The following PKD1L1 variants were observed in gnomAD, a reference collection of about 807,000 sequenced individuals.
PKD1L1 encodes polycystin 1 like 1, transient receptor potential channel interacting.
In PKD1L1, 236 loss-of-function variants were observed where a neutral mutation model predicts 323.4. That is an observed-to-expected ratio of 0.73 (90% CI 0.66 to 0.81). The LOEUF is 0.81. Among genes scored for constraint, PKD1L1 ranks in the 40% least tolerant of loss-of-function variants. The pLI is 0.00. For synonymous variants in PKD1L1, 1,344 were observed against 1,335.0 expected, an observed-to-expected ratio of 1.01 and a Z score of -0.15; for missense variants, 3,320 against 3,508.0, an observed-to-expected ratio of 0.95 and a Z score of 1.35.
intron 14 of PKD1L1, among the ~76,000 whole-genome samples, chr7:47,897,639 G>A (rs766393753): frequency 2.0e-5 from 3 of 152,160 alleles, no homozygotes; most frequent in Admixed American, 6.5e-5. Flanking sequence ...TCTGACTGTC[G>A]TCTCCTTTCC....
At chr7:47,865,181 A>G (rs1786135682) in intron 26 of PKD1L1, 35 bp downstream of exon 26, 2 of 1,537,818 alleles carry the variant, frequency 1.3e-6, no homozygotes, top group South Asian at 1.1e-5. Flanking sequence ...ACTATATAAA[A>G]TAGGAAAATA....
chr7:47,840,704 C>T lies in PKD1L1; in HGVS notation c.5446-137G>A. 1.5e-6 allele frequency: 1 copy of T among 651,744 alleles called. No individual in the cohort carries two copies. Among genetic ancestry groups the T allele is most frequent in the Non-Finnish European group, 2.7e-6 (1 of 376,368 alleles). 40.4% of individuals were successfully genotyped at this position (651,744 alleles called of 1,614,324 possible). A position where few individuals can be genotyped will look rare whatever the true frequency, so the allele number is the denominator to read the frequency against. ...CATCTGCACGGTGGAGTGCCACAGCCTAGAGCCAGGGGATGAGTGGGCACG... is the reference window on the plus strand; with the variant it reads ...CATCTGCACGGTGGAGTGCCACAGCTTAGAGCCAGGGGATGAGTGGGCACG... On this transcript the variant is annotated intron_variant, in intron 34 of 56. Coordinates refer to ENST00000289672, the MANE Select transcript of PKD1L1 (RefSeq NM_138295.5). This position sits in a 1 kb window ranked among gnomAD's most constrained non-coding sequence, Gnocchi z 4.1.
chr7:47,792,945 C>G (rs1473061272), intron 55 of PKD1L1, 148 bp from the exon 56 acceptor site: 1 of 687,234 alleles, frequency 1.5e-6, no homozygotes, highest in East Asian at 2.7e-5. Context: ...GTTAGAAGAC[C>G]TGGGTGCTGG....
chr7:47,872,196 C>T (rs1405004026), intron 24 of PKD1L1, among the ~76,000 whole-genome samples: 2 of 152,180 alleles, frequency 1.3e-5, no homozygotes, highest in East Asian at 3.9e-4. Context: ...TCTGGAGCCC[C>T]AGTCTGCCCC....
chr7:47,833,067 C>T, intron 41 of PKD1L1, 23 bp downstream of exon 41: 1 of 1,597,932 alleles, frequency 6.3e-7, no homozygotes, highest in African/African-American at 1.3e-5. Flanking sequence ...AGGAAGGGGG[C>T]TGTGGTTGCA....
At chr7:47,940,144 T>C (rs895935649) in intron 3 of PKD1L1, 49 bp downstream of exon 3, 9 of 1,612,184 alleles carry the variant, frequency 5.6e-6, no homozygotes, top group African/African-American at 1.3e-5. Context: ...GTACTGTACA[T>C]GTACTGTATT....
upstream of PKD1L1, among the ~76,000 whole-genome samples, chr7:47,953,164 G>C (rs572324617): frequency 1.3e-4 from 20 of 152,284 alleles, no homozygotes; most frequent in East Asian, 3.7e-3. Flanking sequence ...ATTACAAATA[G>C]GGAATTGCCA....
At chr7:47,851,830 T>C (rs774358334) in intron 31 of PKD1L1, among the ~76,000 whole-genome samples, 3 of 151,856 alleles carry the variant, frequency 2.0e-5, no homozygotes, top group Non-Finnish European at 4.4e-5. Context: ...TAAAAAAAAG[T>C]CTGAAAAAAA....
chr7:47,854,939 A>C lies in PKD1L1; in HGVS notation c.4802T>G (p.Ile1601Arg). 1 of 1,614,136 alleles carries C rather than the reference A, an allele frequency of 6.2e-7. No homozygotes were observed. The highest frequency in any genetic ancestry group is 8.5e-7 in the Non-Finnish European group (1 of 1,180,022). Residue 1601 changes from isoleucine to arginine, a missense_variant, in exon 30 of 57, where the codon ATA (isoleucine) becomes AGA (arginine). Ile to Arg is a moderately conservative substitution (Grantham distance 97). Transcript: ENST00000289672. ...LSENPQESLQ[I>R]EIEFSKPVTR... ...AACAGGTTTGGAAAATTCAATTTCT[A>C]TCTGTAGAGATTCCTGGGGGTTTTC...
chr7:47,848,222 A>G lies in PKD1L1; in HGVS notation c.4961-1151T>C, dbSNP rs188443034. On this transcript the variant is annotated intron_variant, in intron 31 of 56. Coordinates refer to ENST00000289672, the MANE Select transcript of PKD1L1 (RefSeq NM_138295.5). ...CAGGAACAGCCTATCTAGGAATTAA[A>G]CTTGAAGATACACTCCTCCCCCTAC... 1.1e-4 allele frequency among the ~76,000 whole-genome samples: 16 copies of G among 152,242 alleles called. No homozygotes were observed. The East Asian group carries it at 2.7e-3, about 26-fold the overall frequency.
rs956472655 is a variant in PKD1L1 at position 47,933,591 on chromosome 7, C to T, written c.399-1535G>A. Among the ~76,000 whole-genome samples the T allele has an allele frequency of 6.6e-5, 10 of 152,266 alleles. No individual in the cohort carries two copies. The East Asian group carries it at 9.6e-4, about 15-fold the overall frequency. On this transcript the variant is annotated intron_variant, in intron 4 of 56. Transcript: ENST00000289672. ...GTGACCACCATGCCACTGCCTGGGCCGCCCTGTTTGTCCCCAACCCTCTCT... is the reference window on the plus strand; with the variant it reads ...GTGACCACCATGCCACTGCCTGGGCTGCCCTGTTTGTCCCCAACCCTCTCT...
rs781044180 is a variant in PKD1L1, at chr7:47,929,478, T to G, written c.786A>C (p.Ala262=). Residue 262 remains alanine, a synonymous_variant, in exon 7 of 57, where the codon GCA becomes GCC. Transcript: ENST00000289672. ...AGAGGATCTCAGAACCAGACTGCGA[T>G]GCCGTGAAGCTGGGGGTGCGAGGAA... ...PGIPRTPSFT[A]SQSGSEILYP... is the part of the protein sequence containing the mutation. 5 of 1,614,144 alleles carry G rather than the reference T, an allele frequency of 3.1e-6. No homozygotes were observed. The highest frequency in any genetic ancestry group is 1.7e-6 in the Non-Finnish European group (2 of 1,179,980).
chr7:47,896,987 CT>C (rs908255877), intron 14 of PKD1L1, among the ~76,000 whole-genome samples: 1 of 152,222 alleles, frequency 6.6e-6, no homozygotes, highest in Non-Finnish European at 1.5e-5. Flanking sequence ...GAAAGCTCTG[CT>C]TTTTCCTACA....
chr7:47,941,727 TA>T (rs955221031), intron 2 of PKD1L1, among the ~76,000 whole-genome samples: 38 of 152,312 alleles, frequency 2.5e-4, no homozygotes, highest in Admixed American at 2.4e-3. Context: ...TGTTTCGGAA[TA>T]AGCTAGAATA....
chr7:47,777,064 G>A (rs1187988983), intron 56 of PKD1L1, among the ~76,000 whole-genome samples: 1 of 151,970 alleles, frequency 6.6e-6, no homozygotes, highest in Non-Finnish European at 1.5e-5. Flanking sequence ...ACTAATTTTT[G>A]TATTTTTAGT....
intron 54 of PKD1L1, among the ~76,000 whole-genome samples, chr7:47,798,233 A>G (rs1044292284): frequency 6.6e-6 from 1 of 152,250 alleles, no homozygotes; most frequent in East Asian, 1.9e-4. Context: ...GGAAAGATCA[A>G]TGGAGTAGAA....
In PKD1L1 at chr7:47,811,908, G is replaced by A; in HGVS notation, c.7490C>T (p.Pro2497Leu). The change falls in exon 50 of 57, where the codon CCT becomes CTT. Residue 2497 changes from proline to leucine, a missense_variant. Physicochemically the swap from Pro to Leu is moderately conservative, Grantham distance 98 (BLOSUM62 -3). Coordinates refer to ENST00000289672, the MANE Select transcript of PKD1L1 (RefSeq NM_138295.5). ...TSVSLRVEILPTGSLVPSSLV... is the reference protein window; with the variant it reads ...TSVSLRVEILLTGSLVPSSLV... ...GGATGAGGGGACGAGACTCCCCGTA[G>A]GGAGGATCTCCACTCTCAGGGACAC... The A allele has an allele frequency of 6.2e-7, 1 of 1,610,380 alleles. No homozygotes were observed. The highest frequency in any genetic ancestry group is 8.5e-7 in the Non-Finnish European group (1 of 1,178,548).
At chr7:47,841,665 G>A (rs999693131) in intron 34 of PKD1L1, among the ~76,000 whole-genome samples, 2 of 152,000 alleles carry the variant, frequency 1.3e-5, no homozygotes, top group South Asian at 2.1e-4. Flanking sequence ...AAGGAAAATC[G>A]GCTTTCTCAT....
At position 47,830,056 on chromosome 7, in the gene PKD1L1, A is replaced by G. The variant is rs750574858; in HGVS notation, c.6542T>C (p.Ile2181Thr). 1.9e-6 allele frequency: 3 copies of G among 1,614,170 alleles called. No individual in the cohort carries two copies. The highest frequency in any genetic ancestry group is 1.7e-6 in the Non-Finnish European group (2 of 1,180,030). Residue 2181 changes from isoleucine (I) to threonine (T), a missense_variant, in exon 43 of 57, where the codon ATC becomes ACC. Coordinates refer to ENST00000289672, the MANE Select transcript of PKD1L1 (RefSeq NM_138295.5). The part of the protein sequence containing the change: ...LSLSVVCCIF[I>T]TQPLMVCLMA... Reference sequence around the variant, plus strand: ...GTTTCTTACCATAAGTGGCTGGGTGATGAAAATACAGCAGACCACGGAGAG... The same window carrying G: ...GTTTCTTACCATAAGTGGCTGGGTGGTGAAAATACAGCAGACCACGGAGAG...
Sources: allele counts gnomAD v4.1 joint callset (sites outside exome capture counted in the v4.1 genomes callset), GRCh38; gene constraint gnomAD v4.1.1; non-coding constraint Gnocchi (gnomAD v3.1); transcripts MANE v1.5; gene names NCBI Gene and HGNC (gene_info 2026-07-23, HGNC 2026-07-21).